KCNAB1: variants seen among roughly 807,000 people sequenced by gnomAD.
The protein encoded by KCNAB1 is potassium voltage-gated channel subfamily A regulatory beta subunit 1, also known as voltage-gated potassium channel subunit beta-1.
In KCNAB1, 35 loss-of-function variants were observed where a neutral mutation model predicts 64.6. The observed-to-expected ratio is 0.54, with a 90% CI of 0.41 to 0.72. The LOEUF is 0.72. Among genes scored for constraint, KCNAB1 ranks in the 30% least tolerant of loss-of-function variants. The pLI is 0.00. For missense variants in KCNAB1, 401 were observed against 512.9 expected (o/e 0.78, Z 2.11); for synonymous variants, 177 against 183.8 (o/e 0.96, Z 0.30).
intron 1 of KCNAB1, among the ~76,000 whole-genome samples, chr3:156,191,425 G>A (rs1053669994): frequency 2.0e-5 from 3 of 152,218 alleles, no homozygotes; most frequent in Non-Finnish European, 4.4e-5. Flanking sequence ...TCACACACAG[G>A]AATGCTTCCT....
intron 6 of KCNAB1, among the ~76,000 whole-genome samples, chr3:156,464,594 A>G (rs1713214055): frequency 6.6e-6 from 1 of 152,160 alleles, no homozygotes; most frequent in Non-Finnish European, 1.5e-5. Context: ...AATTAGAGGC[A>G]GAGGCCAATT....
At chr3:156,168,522 A>T (rs889005375) in intron 1 of KCNAB1, among the ~76,000 whole-genome samples, 1 of 152,090 alleles carries the variant, frequency 6.6e-6, no homozygotes, top group East Asian at 1.9e-4. Flanking sequence ...TATTTTTCAC[A>T]GAGTCTTGCA....
At chr3:156,298,308 A>C (rs1286425641) in intron 1 of KCNAB1, among the ~76,000 whole-genome samples, 1 of 152,224 alleles carries the variant, frequency 6.6e-6, no homozygotes, top group Non-Finnish European at 1.5e-5. Context: ...GCATGTGCGC[A>C]CGTGGACGTG....
At position 156,311,088 on chromosome 3, in the gene KCNAB1, A is replaced by T. The variant is rs1301607069; in HGVS notation, c.276-110528A>T. On this transcript the variant is annotated intron_variant, in intron 1 of 13. Transcript: ENST00000490337. ...CCCCCACCCTTCTTCTCCTGCTCTT[A>T]ATGTGCCAGTAGCACTGGATTAGGG... is the stretch of plus-strand genomic sequence containing the variant. 3.3e-5 allele frequency among the ~76,000 whole-genome samples: 5 copies of T among 152,178 alleles called. No homozygotes were observed. The South Asian group carries it at 6.2e-4, about 19-fold the overall frequency.
At chr3:156,464,516 GT>G (rs1713206116) in intron 6 of KCNAB1, among the ~76,000 whole-genome samples, 1 of 151,774 alleles carries the variant, frequency 6.6e-6, no homozygotes, top group African/African-American at 2.4e-5. Flanking sequence ...TAATGCTGGA[GT>G]TTTAACAAAA....
intron 1 of KCNAB1, among the ~76,000 whole-genome samples, chr3:156,130,481 A>G (rs1456062713): frequency 1.3e-5 from 2 of 152,234 alleles, no homozygotes; most frequent in African/African-American, 4.8e-5. Context: ...CTTCCCAATG[A>G]TCCATGTGCA....
At chr3:156,156,237 A>G (rs1206027877) in intron 1 of KCNAB1, among the ~76,000 whole-genome samples, 2 of 151,750 alleles carry the variant, frequency 1.3e-5, no homozygotes, top group South Asian at 2.1e-4. Context: ...AAGGAGCTAG[A>G]TTTTTCTTTG....
At chr3:156,400,623 T>C (rs569768605) in intron 1 of KCNAB1, among the ~76,000 whole-genome samples, 1 of 152,358 alleles carries the variant, frequency 6.6e-6, no homozygotes, top group East Asian at 1.9e-4. Context: ...TAGCTTTGTT[T>C]CAGGATCCCA....
In KCNAB1 at chr3:156,457,628, C is replaced by G. The variant is rs1021529392; in HGVS notation, c.437+96C>G. The G allele has an allele frequency of 8.4e-6, 9 of 1,069,024 alleles. No homozygotes were observed. In the African/African-American group the frequency reaches 1.2e-4, roughly 15 times the overall value. The allele number at this position is 1,069,024 out of a possible 1,614,324, so 66.2% of individuals were successfully genotyped here. On this transcript the variant is annotated intron_variant, in intron 4 of 13. Coordinates refer to ENST00000490337, the MANE Select transcript of KCNAB1 (RefSeq NM_172160.3). Reference sequence around the variant, plus strand: ...CAGCATGTTGGTGAAAAGGTTCTGTCCTTTCTCCACGTGTTGGCAGCTCTG... The same window carrying G: ...CAGCATGTTGGTGAAAAGGTTCTGTGCTTTCTCCACGTGTTGGCAGCTCTG...
At chr3:156,195,711 C>G (rs1713870655) in intron 1 of KCNAB1, among the ~76,000 whole-genome samples, 1 of 152,106 alleles carries the variant, frequency 6.6e-6, no homozygotes, top group African/African-American at 2.4e-5. Flanking sequence ...GGATAGATTG[C>G]AAAATTTTTC....
At chr3:156,216,348 T>C (rs1576613348) in intron 1 of KCNAB1, among the ~76,000 whole-genome samples, 1 of 152,190 alleles carries the variant, frequency 6.6e-6, no homozygotes, top group East Asian at 1.9e-4. Flanking sequence ...CTGCTGCAGA[T>C]TGCTGCTGAA....
In KCNAB1 at chr3:156,534,704, T is replaced by C. The variant is rs185744703; in HGVS notation, c.1171-1954T>C. Among the ~76,000 whole-genome samples, 277 of 152,236 alleles carry C rather than the reference T, an allele frequency of 1.8e-3. 1 individual carries two copies. The highest frequency in any genetic ancestry group is 1.3e-3 in the Non-Finnish European group (89 of 68,002). On this transcript the variant is annotated intron_variant, in intron 13 of 13. Coordinates refer to ENST00000490337, the MANE Select transcript of KCNAB1 (RefSeq NM_172160.3). ...TAGGAACCCAATCCTGGGAGGACTTTACTAATGCCCAGCCAGCCCCAGCAA... is the reference window on the plus strand; with the variant it reads ...TAGGAACCCAATCCTGGGAGGACTTCACTAATGCCCAGCCAGCCCCAGCAA...
At chr3:156,189,375 G>C (rs1213355896) in intron 1 of KCNAB1, among the ~76,000 whole-genome samples, 1 of 152,216 alleles carries the variant, frequency 6.6e-6, no homozygotes, top group Non-Finnish European at 1.5e-5. Context: ...GTGTGAGTAA[G>C]CAGCCACCCA....
At chr3:156,251,677 C>T (rs937304063) in intron 1 of KCNAB1, among the ~76,000 whole-genome samples, 5 of 152,102 alleles carry the variant, frequency 3.3e-5, no homozygotes, top group Admixed American at 1.3e-4. Context: ...GATTCCCACT[C>T]ATTCATTCGG....
intron 1 of KCNAB1, among the ~76,000 whole-genome samples, chr3:156,253,556 G>A (rs750365685): frequency 1.3e-5 from 2 of 152,236 alleles, no homozygotes; most frequent in Non-Finnish European, 2.9e-5. Context: ...GATTCTGATG[G>A]TTGCCATTCA....
intron 1 of KCNAB1, among the ~76,000 whole-genome samples, chr3:156,162,121 A>T (rs781640974): frequency 3.3e-5 from 5 of 152,256 alleles, no homozygotes; most frequent in African/African-American, 4.8e-5. Context: ...GATTTTTAGG[A>T]TTGGGCACAT....
At chr3:156,462,402 TA>T (rs1712986974) in intron 5 of KCNAB1, among the ~76,000 whole-genome samples, 1 of 152,234 alleles carries the variant, frequency 6.6e-6, no homozygotes, top group Non-Finnish European at 1.5e-5. Context: ...TTGAAAGTGC[TA>T]AAGGAGACCG....
At chr3:156,299,245 A>G (rs1465052817) in intron 1 of KCNAB1, among the ~76,000 whole-genome samples, 3 of 152,242 alleles carry the variant, frequency 2.0e-5, no homozygotes, top group South Asian at 2.1e-4. Context: ...AGAAAGGACA[A>G]TTCCCTTCTC....
chr3:156,506,482 CT>C (rs1716843601), intron 8 of KCNAB1, among the ~76,000 whole-genome samples: 2 of 151,982 alleles, frequency 1.3e-5, no homozygotes, highest in South Asian at 4.1e-4. Context: ...TTCAAACTGT[CT>C]AGAGTCAGGG....
Sources: allele counts gnomAD v4.1 joint callset (sites outside exome capture counted in the v4.1 genomes callset), GRCh38; gene constraint gnomAD v4.1.1; transcripts MANE v1.5; gene names NCBI Gene and HGNC (gene_info 2026-07-23, HGNC 2026-07-21).